Variants in LTBP1 observed in about 807,000 individuals in gnomAD.
The protein encoded by LTBP1 is latent-transforming growth factor beta-binding protein 1.
LTBP1 carries 129 observed loss-of-function variants against 207.6 expected under a neutral mutation model. The ratio of observed to expected loss-of-function variants is 0.62; its 90% CI spans 0.54 to 0.72. The LOEUF is 0.72. LTBP1 is among the 30% of genes least tolerant of loss of function. The pLI, the probability that LTBP1 is intolerant of heterozygous loss-of-function variation, is 0.00. For missense variants in LTBP1, 2,281 were observed against 2,217.2 expected (o/e 1.03, Z -0.58); for synonymous variants, 963 against 833.7 (o/e 1.16, Z -2.67).
chr2:33,125,561 G>T (rs774374463), intron 4 of LTBP1, among the ~76,000 whole-genome samples: 9 of 152,004 alleles, frequency 5.9e-5, no homozygotes, highest in Non-Finnish European at 1.0e-4. Flanking sequence ...GGCCGGGCAC[G>T]GTGGCTCACG....
chr2:33,098,078 A>G (rs1426552057), intron 3 of LTBP1, among the ~76,000 whole-genome samples: 3 of 152,194 alleles, frequency 2.0e-5, no homozygotes, highest in Non-Finnish European at 4.4e-5. Context: ...TCCAGAGTAT[A>G]CTTCTCCCCC....
chr2:32,957,509 C>G (rs1678279053), intron 2 of LTBP1, among the ~76,000 whole-genome samples: 1 of 152,158 alleles, frequency 6.6e-6, no homozygotes, highest in South Asian at 2.1e-4. Context: ...AGAACACACA[C>G]AACATTTCTC....
At chr2:32,979,704 T>C (rs934784987) in intron 2 of LTBP1, among the ~76,000 whole-genome samples, 2 of 152,146 alleles carry the variant, frequency 1.3e-5, no homozygotes, top group African/African-American at 4.8e-5. Context: ...ATTTGGTCTA[T>C]TGTGTAGATT....
chr2:33,127,262 C>T (rs753912553), intron 4 of LTBP1, among the ~76,000 whole-genome samples: 24 of 151,798 alleles, frequency 1.6e-4, no homozygotes, highest in Non-Finnish European at 2.6e-4. Flanking sequence ...ATTTAAATTT[C>T]GTGAAGTGTA....
In LTBP1 at chr2:33,315,172, C is replaced by G. The variant is rs559607191; in HGVS notation, c.3633C>G (p.Leu1211=). 9 of 1,609,728 alleles carry G rather than the reference C, an allele frequency of 5.6e-6. No homozygotes were observed. The African/African-American group carries it at 6.7e-5, about 12-fold the overall frequency. ...TTAATGAATGTGAACATCCAGGGCT[C>G]TGTGGTCCGCAAGGGGAGTGCCTAA... ...QDINECEHPG[L]CGPQGECLNT... is the part of the protein sequence containing the mutation. The change falls in exon 24 of 34, where the codon CTC becomes CTG. Residue 1211 remains leucine (L), a synonymous_variant. Transcript: ENST00000404816.
At position 33,301,485 on chromosome 2, in the gene LTBP1, C is replaced by G. The variant is rs575253660; in HGVS notation, c.3359-37C>G. 6.5e-6 allele frequency: 10 copies of G among 1,533,620 alleles called. 1 individual carries two copies. In the South Asian group the frequency reaches 1.3e-4, roughly 20 times the overall value. On this transcript the variant is annotated intron_variant, in intron 21 of 33. Coordinates refer to ENST00000404816, the MANE Select transcript of LTBP1 (RefSeq NM_206943.4). The stretch of plus-strand genomic sequence containing the variant: ...ACTGATTGAAAATGTTTTTGAAGCA[C>G]CACTTCCACAGTTTCTTTGTATTCT...
intron 5 of LTBP1, among the ~76,000 whole-genome samples, chr2:33,169,667 T>G (rs1042503246): frequency 1.3e-5 from 2 of 152,182 alleles, no homozygotes; most frequent in African/African-American, 4.8e-5. Context: ...AAACAAAATT[T>G]GTATAATCCA....
At chr2:33,137,768 G>A (rs529915905) in intron 5 of LTBP1, among the ~76,000 whole-genome samples, 1 of 152,126 alleles carries the variant, frequency 6.6e-6, no homozygotes, top group Non-Finnish European at 1.5e-5. Context: ...TTTTCAATAC[G>A]GAAACTTAGG....
intron 2 of LTBP1, among the ~76,000 whole-genome samples, chr2:32,991,466 A>G (rs764118827): frequency 2.6e-5 from 4 of 152,212 alleles, no homozygotes; most frequent in Non-Finnish European, 5.9e-5. Flanking sequence ...GGTTTGGAAC[A>G]TGTTTTAAAA....
At position 33,085,973 on chromosome 2, in the gene LTBP1, C is replaced by T. The variant is rs752088542; in HGVS notation, c.864-24609C>T. Among the ~76,000 whole-genome samples the T allele has an allele frequency of 8.1e-4, 124 of 152,206 alleles. 2 individuals carry two copies. Among genetic ancestry groups the T allele is most frequent in the Non-Finnish European group, 3.4e-4 (23 of 68,038 alleles). On this transcript the variant is annotated intron_variant, in intron 3 of 33. Coordinates refer to ENST00000404816, the MANE Select transcript of LTBP1 (RefSeq NM_206943.4). Reference sequence around the variant, plus strand: ...GGGAGTCTGGTGAAATAGCACCATGCAGATGGTCCATCTTGGCGTAATGGG... The same window carrying T: ...GGGAGTCTGGTGAAATAGCACCATGTAGATGGTCCATCTTGGCGTAATGGG...
chr2:33,322,451 A>G (rs189329724), intron 24 of LTBP1, among the ~76,000 whole-genome samples: 78 of 152,338 alleles, frequency 5.1e-4, no homozygotes, highest in African/African-American at 1.8e-3. Flanking sequence ...TATTCCAGAA[A>G]CAGTTACTTT....
At chr2:33,121,552 C>T (rs550904866) in intron 4 of LTBP1, among the ~76,000 whole-genome samples, 2 of 152,260 alleles carry the variant, frequency 1.3e-5, no homozygotes, top group African/African-American at 4.8e-5. Context: ...TTAATGGCTA[C>T]AGGTGCATCT....
chr2:33,309,551 G>C lies in LTBP1; in HGVS notation c.3599G>C (p.Cys1200Ser). The change falls in exon 23 of 34, where the codon TGT (cysteine) becomes TCT (serine). Residue 1200 changes from cysteine (C) to serine (S), a missense_variant. Cys to Ser is a moderately radical substitution (Grantham distance 112, BLOSUM62 -1). This residue lies in a region of LTBP1 where 1,671 missense variants were observed against 1,634.8 expected (regional missense o/e 1.02). Coordinates refer to ENST00000404816, the MANE Select transcript of LTBP1 (RefSeq NM_206943.4). ...TTTCAGCTAGATGACAATAAAACAT[G>C]TCAAGGTATTTCTTGCTCTTTTTTC... ...DGFQLDDNKT[C>S]QDINECEHPG... The C allele has an allele frequency of 1.2e-6, 2 of 1,604,452 alleles. No individual in the cohort carries two copies. Among genetic ancestry groups the C allele is most frequent in the Non-Finnish European group, 8.5e-7 (1 of 1,176,976 alleles).
At chr2:33,357,586 AG>A (rs2094879313) in intron 26 of LTBP1, among the ~76,000 whole-genome samples, 1 of 152,146 alleles carries the variant, frequency 6.6e-6, no homozygotes, top group Non-Finnish European at 1.5e-5. Context: ...TCACATGAAA[AG>A]GCCTCTGTAA....
chr2:33,042,165 TG>T (rs1442501005), intron 3 of LTBP1, among the ~76,000 whole-genome samples: 1 of 152,202 alleles, frequency 6.6e-6, no homozygotes. Context: ...TTTGGTGAAG[TG>T]GACCTTTAGC....
chr2:33,319,881 A>G (rs1269389567), intron 24 of LTBP1, among the ~76,000 whole-genome samples: 1 of 152,140 alleles, frequency 6.6e-6, no homozygotes, highest in Non-Finnish European at 1.5e-5. Flanking sequence ...CCTCCAAACC[A>G]TGGCCAAAAT....
chr2:33,060,773 T>A (rs2077230924), intron 3 of LTBP1, among the ~76,000 whole-genome samples: 1 of 152,006 alleles, frequency 6.6e-6, no homozygotes, highest in Non-Finnish European at 1.5e-5. Flanking sequence ...AATGAGGGGA[T>A]CAGAAGGGCC....
At chr2:33,316,809 C>T (rs561911881) in intron 24 of LTBP1, among the ~76,000 whole-genome samples, 1 of 152,094 alleles carries the variant, frequency 6.6e-6, no homozygotes, top group Non-Finnish European at 1.5e-5. Flanking sequence ...GGGTGCAAGC[C>T]CATCCGAGTC....
intron 2 of LTBP1, among the ~76,000 whole-genome samples, chr2:33,012,881 GTA>G (rs1687868473): frequency 6.6e-6 from 1 of 152,158 alleles, no homozygotes; most frequent in Non-Finnish European, 1.5e-5. Flanking sequence ...AATGCACAAA[GTA>G]AAATTATACT....
Sources: gnomAD v4.1 joint callset for allele counts (sites outside exome capture counted in the v4.1 genomes callset) on GRCh38, gnomAD v4.1.1 for gene constraint, gnomAD v4.1.1 regional missense constraint, MANE v1.5 for transcripts, NCBI Gene and HGNC (gene_info 2026-07-23, HGNC 2026-07-21) for gene names.